The following AASDH variants were observed in gnomAD, a reference collection of about 807,000 sequenced individuals.
AASDH encodes aminoadipate-semialdehyde dehydrogenase, also known as beta-alanine-activating enzyme.
In AASDH, 81 loss-of-function variants were observed where a neutral mutation model predicts 102.3. The observed-to-expected ratio is 0.79, with a 90% CI of 0.66 to 0.95. AASDH has a LOEUF of 0.95. AASDH is among the 40% of genes least tolerant of loss of function. The probability of loss-of-function intolerance (pLI) is 0.00; values close to 1 mark genes in which losing one functional copy is unlikely to be tolerated. For missense variants in AASDH, 1,203 were observed against 1,266.2 expected (o/e 0.95, Z 0.76); for synonymous variants, 398 against 454.0 (o/e 0.88, Z 1.57).
intron 1 of AASDH, among the ~76,000 whole-genome samples, chr4:56,386,115 A>G (rs1753524384): frequency 6.6e-6 from 1 of 152,214 alleles, no homozygotes; most frequent in South Asian, 2.1e-4. Context: ...TTAAACATAT[A>G]AGGCAACTTT....
intron 1 of AASDH, among the ~76,000 whole-genome samples, chr4:56,386,329 A>G (rs1394281487): frequency 1.3e-5 from 2 of 152,208 alleles, no homozygotes; most frequent in Non-Finnish European, 2.9e-5. Flanking sequence ...CTACACATCT[A>G]TACGATAATT....
intron 5 of AASDH, among the ~76,000 whole-genome samples, chr4:56,362,814 G>A (rs1428229205): frequency 3.9e-5 from 6 of 152,116 alleles, no homozygotes; most frequent in Non-Finnish European, 7.3e-5. Context: ...CGTGAGCGAC[G>A]CAGAAGACGG....
At chr4:56,351,303 C>T (rs866010194) in intron 10 of AASDH, 39 bp downstream of exon 10, 2 of 1,297,970 alleles carry the variant, frequency 1.5e-6, no homozygotes, top group Middle Eastern at 2.2e-4. Context: ...TATAAAACGA[C>T]CTCTTTATAA....
intron 11 of AASDH, among the ~76,000 whole-genome samples, chr4:56,348,159 G>GAA (rs201806350): frequency 7.7e-6 from 1 of 129,842 alleles, no homozygotes; most frequent in Non-Finnish European, 1.7e-5. Context: ...TCAAAAAAAA[G>GAA]AAAAAAAAAA....
Position 56,360,536 on chromosome 4 carries a change from C to T in AASDH, c.862-5113G>A, listed in dbSNP as rs140979896. Reference sequence around the variant, plus strand: ...GCCACGAAGTTCCACTATTTTTACACAAAATTCAGCAGTTTTAAAAAACAT... The same window carrying T: ...GCCACGAAGTTCCACTATTTTTACATAAAATTCAGCAGTTTTAAAAAACAT... On this transcript the variant is annotated intron_variant, in intron 5 of 14. Coordinates refer to ENST00000205214, the MANE Select transcript of AASDH (RefSeq NM_181806.4). 4.3e-4 allele frequency among the ~76,000 whole-genome samples: 66 copies of T among 152,296 alleles called. No homozygotes were observed. In the East Asian group the frequency reaches 0.012, roughly 28 times the overall value.
intron 5 of AASDH, among the ~76,000 whole-genome samples, chr4:56,359,748 A>G (rs145708721): frequency 0.016 from 2,428 of 151,824 alleles, 76 homozygotes; most frequent in African/African-American, 0.055. Context: ...TAGTAGAGAC[A>G]GGGTTTCACC....
chr4:56,378,371 T>C lies in AASDH; in HGVS notation c.445A>G (p.Thr149Ala). The C allele has an allele frequency of 6.2e-7, 1 of 1,613,958 alleles. No homozygotes were observed. The highest frequency in any genetic ancestry group is 8.5e-7 in the Non-Finnish European group (1 of 1,179,842). ...LVLFRLHWKN[T>A]EVNLMLNDGK... The stretch of plus-strand genomic sequence containing the variant: ...TCATTTAGCATCAAGTTCACCTCAG[T>C]ATTTTTCCAGTGAAGTCTGAAGAGC... The change falls in exon 4 of 15, where the codon ACT (threonine) becomes GCT (alanine). Residue 149 changes from threonine to alanine, a missense_variant. Coordinates refer to ENST00000205214, the MANE Select transcript of AASDH (RefSeq NM_181806.4).
In AASDH at chr4:56,355,189, T is replaced by C; in HGVS notation, c.1096A>G (p.Thr366Ala). ...YRIPEKTLNSTLKCELPVQLG... is the reference protein window; with the variant it reads ...YRIPEKTLNSALKCELPVQLG... ...TACAATGAAAACCCTTACTTGAGAG[T>C]AGAGTTAAGAGTCTTCTCTGGAATC... The change falls in exon 6 of 15, where the codon ACT becomes GCT. Residue 366 changes from threonine (T) to alanine (A), a missense_variant. Coordinates refer to ENST00000205214, the MANE Select transcript of AASDH (RefSeq NM_181806.4). 1 of 1,613,396 alleles carries C rather than the reference T, an allele frequency of 6.2e-7. No homozygotes were observed. The highest frequency in any genetic ancestry group is 8.5e-7 in the Non-Finnish European group (1 of 1,179,796).
intron 5 of AASDH, among the ~76,000 whole-genome samples, chr4:56,363,469 C>A (rs1268746023): frequency 6.6e-6 from 1 of 152,198 alleles, no homozygotes. Flanking sequence ...TGGGAGGCAC[C>A]CCCAGTAGGG....
At chr4:56,380,883 T>C (rs1752875321) in intron 3 of AASDH, among the ~76,000 whole-genome samples, 1 of 152,204 alleles carries the variant, frequency 6.6e-6, no homozygotes, top group Admixed American at 6.5e-5. Context: ...GTCTAGACAT[T>C]GCCAATTGTC....
chr4:56,379,344 T>C (rs566308705), intron 3 of AASDH, among the ~76,000 whole-genome samples: 3 of 152,094 alleles, frequency 2.0e-5, no homozygotes, highest in Admixed American at 6.6e-5. Context: ...TGTTACCCAA[T>C]CTGGTCTCAA....
intron 5 of AASDH, among the ~76,000 whole-genome samples, chr4:56,364,122 T>C (rs1265984986): frequency 6.6e-6 from 1 of 152,178 alleles, no homozygotes; most frequent in African/African-American, 2.4e-5. Flanking sequence ...GTATCAGTGA[T>C]GGAAGACGAA....
intron 4 of AASDH, among the ~76,000 whole-genome samples, chr4:56,372,509 T>C (rs1346335448): frequency 6.6e-6 from 1 of 152,252 alleles, no homozygotes; most frequent in Non-Finnish European, 1.5e-5. Flanking sequence ...GTTAGGCTCT[T>C]ATACAGCATG....
At chr4:56,358,136 T>TA (rs1407560307) in intron 5 of AASDH, among the ~76,000 whole-genome samples, 2 of 152,038 alleles carry the variant, frequency 1.3e-5, no homozygotes, top group Non-Finnish European at 1.5e-5. Context: ...TTAATACATA[T>TA]ACATATATAT....
chr4:56,356,166 T>A, intron 5 of AASDH: 2 of 694,070 alleles, frequency 2.9e-6, no homozygotes, highest in Non-Finnish European at 5.2e-6. Flanking sequence ...GGAAAGAAGG[T>A]GGCTCTGGCC....
Position 56,369,585 on chromosome 4 carries a change from C to T in AASDH, c.861+1866G>A, listed in dbSNP as rs143376817. ...TTATAGCAGAAGTTTAATATCCTCT[C>T]AATTCTCGTTACCCTGGATAAAAAT... On this transcript the variant is annotated intron_variant, in intron 5 of 14. Transcript: ENST00000205214. Among the ~76,000 whole-genome samples the T allele has an allele frequency of 6.0e-4, 92 of 152,250 alleles. 4 individuals carry two copies. The East Asian group carries it at 0.016, about 26-fold the overall frequency.
intron 5 of AASDH, chr4:56,356,214 T>C: frequency 1.3e-6 from 1 of 756,382 alleles, no homozygotes; most frequent in Non-Finnish European, 2.4e-6. Context: ...AAGAAAGTGG[T>C]GAATCCCCTG....
At chr4:56,340,360 A>G (rs185358571) in intron 14 of AASDH, among the ~76,000 whole-genome samples, 50 of 152,306 alleles carry the variant, frequency 3.3e-4, no homozygotes, top group Admixed American at 3.0e-3. Context: ...GAACCTAGAA[A>G]TAAATCCACG....
chr4:56,381,649 T>TCTCTCTCACACACACACA (rs3223650), intron 3 of AASDH: 26 of 142,374 alleles, frequency 1.8e-4, no homozygotes, highest in African/African-American at 6.9e-4. Flanking sequence ...TTGACACTTC[T>TCTCTCTCACACACACACA]CACACACACA....
Sources: allele counts gnomAD v4.1 joint callset (sites outside exome capture counted in the v4.1 genomes callset), GRCh38; gene constraint gnomAD v4.1.1; transcripts MANE v1.5; gene names NCBI Gene and HGNC (gene_info 2026-07-23, HGNC 2026-07-21).